COL9A1: variants seen among roughly 807,000 people sequenced by gnomAD.
COL9A1 encodes collagen type IX alpha 1 chain, also known as collagen alpha-1(IX) chain.
COL9A1 carries 104 observed loss-of-function variants against 142.6 expected under a neutral mutation model. The ratio of observed to expected loss-of-function variants is 0.73; its 90% CI spans 0.62 to 0.86. The LOEUF is 0.86. Among genes scored for constraint, COL9A1 ranks in the 40% least tolerant of loss-of-function variants. The pLI is 0.00. For missense variants in COL9A1, 1,210 were observed against 1,176.6 expected, an observed-to-expected ratio of 1.03 and a Z score of -0.42; for synonymous variants, 466 against 396.0, an observed-to-expected ratio of 1.18 and a Z score of -2.10.
At chr6:70,267,443 T>C (rs2127587128) in intron 17 of COL9A1, among the ~76,000 whole-genome samples, 1 of 151,528 alleles carries the variant, frequency 6.6e-6, no homozygotes, top group African/African-American at 2.4e-5. Context: ...TTCTCTCAGC[T>C]TCCCGAGTAG....
chr6:70,219,391 T>C (rs1768730300), intron 37 of COL9A1, among the ~76,000 whole-genome samples: 1 of 152,222 alleles, frequency 6.6e-6, no homozygotes. Context: ...AACACGACCA[T>C]GGTCATTTGT....
chr6:70,232,511 C>A, intron 36 of COL9A1, 72 bp downstream of exon 36: 2 of 1,528,010 alleles, frequency 1.3e-6, no homozygotes, highest in South Asian at 1.1e-5. Context: ...ACATAAATTC[C>A]TCGAGCTTGA....
At position 70,255,146 on chromosome 6, in the gene COL9A1, A is replaced by T. The variant is rs778596843; in HGVS notation, c.1611+4T>A. ...GTGCTTGATGACTACAGCTCAGGAC[A>T]TACCGTGTCTCCTTTGGGCCCAGGG... On this transcript the variant is annotated splice_donor_region_variant and intron_variant, in intron 23 of 37. Coordinates refer to ENST00000357250, the MANE Select transcript of COL9A1 (RefSeq NM_001851.6). 1.2e-6 allele frequency: 2 copies of T among 1,614,204 alleles called. No homozygotes were observed. Among genetic ancestry groups the T allele is most frequent in the Non-Finnish European group, 1.7e-6 (2 of 1,180,020 alleles).
At chr6:70,243,820 G>A (rs1022062545) in intron 28 of COL9A1, among the ~76,000 whole-genome samples, 2 of 152,128 alleles carry the variant, frequency 1.3e-5, no homozygotes, top group Non-Finnish European at 2.9e-5. Context: ...GAGCCACTGC[G>A]CCCGGCTAGC....
chr6:70,223,466 A>T (rs4707705), intron 37 of COL9A1, among the ~76,000 whole-genome samples: 37,572 of 151,930 alleles, frequency 0.25, 5,203 homozygotes, highest in East Asian at 0.43. Flanking sequence ...GGCATAGTCA[A>T]AACGTGAACC....
At chr6:70,230,530 A>G (rs1333519463) in intron 36 of COL9A1, among the ~76,000 whole-genome samples, 1 of 152,192 alleles carries the variant, frequency 6.6e-6, no homozygotes, top group Admixed American at 6.5e-5. Flanking sequence ...CACATGATCA[A>G]GCTATACTTG....
At chr6:70,215,239 G>A (rs1768432558), downstream of COL9A1, 1 of 152,098 alleles carries the variant, frequency 6.6e-6, no homozygotes, top group African/African-American at 2.4e-5. Context: ...GGCAAAGTTG[G>A]AATCTTCTTA....
At chr6:70,256,345 TC>T (rs2127577833) in intron 21 of COL9A1, among the ~76,000 whole-genome samples, 1 of 152,182 alleles carries the variant, frequency 6.6e-6, no homozygotes, top group Non-Finnish European at 1.5e-5. Context: ...TCTATTTCCC[TC>T]CCAAAAACAG....
At chr6:70,240,657 C>T (rs767521380) in intron 32 of COL9A1, 32 bp downstream of exon 32, 3 of 1,577,844 alleles carry the variant, frequency 1.9e-6, no homozygotes, top group Admixed American at 3.4e-5. Flanking sequence ...ATTGGTAAAG[C>T]TTCATCATTA....
chr6:70,245,564 A>G lies in COL9A1; in HGVS notation c.1873-2849T>C, dbSNP rs528323571. 5.9e-5 allele frequency: 9 copies of G among 152,314 alleles called. No individual in the cohort carries two copies. The South Asian group carries it at 1.9e-3, about 32-fold the overall frequency. The allele number at this position is 152,314 out of a possible 1,614,324, so 9.4% of individuals were successfully genotyped here. On this transcript the variant is annotated intron_variant, in intron 28 of 37. Transcript: ENST00000357250. The stretch of plus-strand genomic sequence containing the variant: ...GTGGTAGGAAAAGGCTGTTCTTCCC[A>G]GTTGCTAATATTTATAAATCCCATG...
intron 4 of COL9A1, among the ~76,000 whole-genome samples, chr6:70,299,724 A>G (rs1773984802): frequency 6.6e-6 from 1 of 152,186 alleles, no homozygotes; most frequent in Non-Finnish European, 1.5e-5. Context: ...ACCCTCTGGC[A>G]CTTTTCACAG....
At chr6:70,235,206 C>T (rs753820011) in intron 33 of COL9A1, among the ~76,000 whole-genome samples, 4 of 152,132 alleles carry the variant, frequency 2.6e-5, no homozygotes, top group Non-Finnish European at 4.4e-5. Flanking sequence ...ATAATCCCAG[C>T]GCTTGTAGGA....
intron 37 of COL9A1, among the ~76,000 whole-genome samples, chr6:70,218,327 G>A (rs963888947): frequency 6.6e-6 from 1 of 152,150 alleles, no homozygotes; most frequent in Non-Finnish European, 1.5e-5. Context: ...GGTTCTCTGG[G>A]GGACATTTCT....
In COL9A1 at chr6:70,294,376, T is replaced by G. The variant is rs369571115; in HGVS notation, c.487A>C (p.Ser163Arg). The G allele has an allele frequency of 3.7e-6, 6 of 1,613,996 alleles. No individual in the cohort carries two copies. The highest frequency in any genetic ancestry group is 3.3e-5 in the Admixed American group (2 of 59,996). ...TTCGAAAAGGCTGCTGTTTGGAGACTTCCATCCAGTCCCTTGTATGAAAAT... is the reference window on the plus strand; with the variant it reads ...TTCGAAAAGGCTGCTGTTTGGAGACGTCCATCCAGTCCCTTGTATGAAAAT... ...VVFSYKGLDG[S>R]LQTAAFSNLS... The change falls in exon 5 of 38, where the codon AGT becomes CGT. Residue 163 changes from serine (S) to arginine (R), a missense_variant. Coordinates refer to ENST00000357250, the MANE Select transcript of COL9A1 (RefSeq NM_001851.6).
At chr6:70,301,662 A>G (rs1774069245) in intron 2 of COL9A1, among the ~76,000 whole-genome samples, 1 of 152,132 alleles carries the variant, frequency 6.6e-6, no homozygotes, top group Non-Finnish European at 1.5e-5. Context: ...CCTCACCCCA[A>G]ATTGTTGAGG....
At chr6:70,219,172 C>A (rs1012561322) in intron 37 of COL9A1, among the ~76,000 whole-genome samples, 9 of 152,108 alleles carry the variant, frequency 5.9e-5, no homozygotes, top group East Asian at 1.9e-4. Context: ...TGAGCCAGAT[C>A]TAAATCCGAT....
At chr6:70,302,123 G>A in intron 1 of COL9A1, 49 bp from the exon 2 acceptor site, 1 of 1,253,386 alleles carries the variant, frequency 8.0e-7, no homozygotes, top group Non-Finnish European at 1.2e-6. Flanking sequence ...CCCGCAGATG[G>A]AAAACACTTC....
intron 5 of COL9A1, among the ~76,000 whole-genome samples, chr6:70,284,958 CAGA>C: frequency 6.6e-6 from 1 of 152,136 alleles, no homozygotes; most frequent in East Asian, 1.9e-4. Context: ...GATCACTGGA[CAGA>C]AGATCAAAAT....
At chr6:70,242,057 C>A in intron 29 of COL9A1, 22 bp from the exon 30 acceptor site, 1 of 1,575,084 alleles carries the variant, frequency 6.3e-7, no homozygotes, top group East Asian at 2.3e-5. Flanking sequence ...AAACAAAGTC[C>A]CCGGAGTTAC....
Sources: allele counts gnomAD v4.1 joint callset (sites outside exome capture counted in the v4.1 genomes callset), GRCh38; gene constraint gnomAD v4.1.1; transcripts MANE v1.5; gene names NCBI Gene and HGNC (gene_info 2026-07-23, HGNC 2026-07-21).